NLGN1: variants seen among roughly 807,000 people sequenced by gnomAD.
The protein encoded by NLGN1 is neuroligin 1.
Under a neutral mutation model 65.5 loss-of-function variants are expected in NLGN1, and 12 were observed. That is an observed-to-expected ratio of 0.18 (90% CI 0.12 to 0.30). The LOEUF is 0.30. Ranked by LOEUF, NLGN1 falls within the 10% of genes least tolerant of loss-of-function variation. The pLI is 1.00. For missense variants in NLGN1, 750 were observed against 1,007.1 expected, an observed-to-expected ratio of 0.74 and a Z score of 3.46; for synonymous variants, 350 against 359.5, an observed-to-expected ratio of 0.97 and a Z score of 0.30.
chr3:174,053,820 G>C (rs1349747789), intron 4 of NLGN1, among the ~76,000 whole-genome samples: 1 of 151,696 alleles, frequency 6.6e-6, no homozygotes, highest in Non-Finnish European at 1.5e-5. Context: ...AACATTCACA[G>C]CATTACATTA....
intron 2 of NLGN1, among the ~76,000 whole-genome samples, chr3:173,515,068 G>A (rs550829496): frequency 6.6e-6 from 1 of 152,198 alleles, no homozygotes; most frequent in African/African-American, 2.4e-5. Context: ...TATTTTTTGA[G>A]GAACCTTCAA....
intron 4 of NLGN1, among the ~76,000 whole-genome samples, chr3:173,825,344 T>C (rs1450916510): frequency 6.7e-6 from 1 of 150,310 alleles, no homozygotes; most frequent in Admixed American, 6.7e-5. Flanking sequence ...TAATGACCAA[T>C]TGGAAATACC....
At chr3:173,719,293 G>A (rs1041353592) in intron 3 of NLGN1, among the ~76,000 whole-genome samples, 1 of 152,072 alleles carries the variant, frequency 6.6e-6, no homozygotes, top group African/African-American at 2.4e-5. Flanking sequence ...AGTTTCCTTA[G>A]TCAGTAAATG....
chr3:173,583,746 G>C (rs1746786951), intron 2 of NLGN1, among the ~76,000 whole-genome samples: 1 of 152,078 alleles, frequency 6.6e-6, no homozygotes, highest in South Asian at 2.1e-4. Context: ...AAAGCATTCA[G>C]GTAAGCAACA....
At chr3:174,227,708 G>A (rs867530873) in intron 4 of NLGN1, among the ~76,000 whole-genome samples, 3 of 151,950 alleles carry the variant, frequency 2.0e-5, no homozygotes, top group Non-Finnish European at 4.4e-5. Flanking sequence ...AATGTCTGGT[G>A]GCAAATGTGT....
intron 3 of NLGN1, among the ~76,000 whole-genome samples, chr3:173,645,169 A>G (rs1758050174): frequency 6.6e-6 from 1 of 152,242 alleles, no homozygotes; most frequent in African/African-American, 2.4e-5. Context: ...GCTTGCAACC[A>G]GTACCTTCAC....
rs368172329 is a variant in NLGN1, at chr3:173,399,278, C to A, written c.-390+791C>A. Among the ~76,000 whole-genome samples, 5 of 152,236 alleles carry A rather than the reference C, an allele frequency of 3.3e-5. No homozygotes were observed. The South Asian group carries it at 1.0e-3, about 32-fold the overall frequency. ...CTATTCTGCAGTTAGTCTTCCCAAT[C>A]CTCTTAACATAAGCAGAAATTGAGG... On this transcript the variant is annotated intron_variant, in intron 1 of 6. Transcript: ENST00000457714.
chr3:173,966,752 T>C (rs1714962450), intron 4 of NLGN1, among the ~76,000 whole-genome samples: 1 of 152,230 alleles, frequency 6.6e-6, no homozygotes. Context: ...ACAAAATTTT[T>C]TCTTAAAATA....
chr3:173,511,435 C>T (rs900113446), intron 2 of NLGN1, among the ~76,000 whole-genome samples: 1 of 152,070 alleles, frequency 6.6e-6, no homozygotes. Flanking sequence ...TAAGTGTTAA[C>T]ACGTTCTGTC....
rs34721217 is a variant in NLGN1 at position 173,944,124 on chromosome 3, G to GTTGTCTGT, written c.646+136292_646+136293insTTGTCTGT. ...TTTTAAATGTCCAGTTAATATTATG[G>GTTGTCTGT]GTGTGTGTGTGTGTGTGTGTGTGTG... On this transcript the variant is annotated intron_variant, in intron 4 of 6. Transcript: ENST00000457714. 5.7e-3 allele frequency among the ~76,000 whole-genome samples: 801 copies of GTTGTCTGT among 139,592 alleles called. 6 individuals carry two copies. The highest frequency in any genetic ancestry group is 0.021 in the African/African-American group (753 of 36,542). The allele number at this position is 139,592 out of a possible 152,430, so 91.6% of individuals were successfully genotyped here.
At chr3:173,886,882 C>T (rs910497252) in intron 4 of NLGN1, among the ~76,000 whole-genome samples, 2 of 151,886 alleles carry the variant, frequency 1.3e-5, no homozygotes, top group African/African-American at 2.4e-5. Context: ...TTCCCTTGCA[C>T]TATAAAATAG....
intron 4 of NLGN1, among the ~76,000 whole-genome samples, chr3:173,830,817 T>C (rs1722395068): frequency 6.6e-6 from 1 of 152,132 alleles, no homozygotes; most frequent in African/African-American, 2.4e-5. Context: ...AGTCAGAAAA[T>C]GTTCTGGAGG....
At chr3:173,524,374 T>C (rs961709115) in intron 2 of NLGN1, among the ~76,000 whole-genome samples, 2 of 152,170 alleles carry the variant, frequency 1.3e-5, no homozygotes, top group African/African-American at 4.8e-5. Context: ...CTGGACATTA[T>C]TGTTGTGTAG....
chr3:173,693,756 A>G (rs942990282), intron 3 of NLGN1, among the ~76,000 whole-genome samples: 3 of 152,098 alleles, frequency 2.0e-5, no homozygotes, highest in African/African-American at 4.8e-5. Context: ...AAAATAAAAA[A>G]GAAGGTTAAT....
At chr3:173,593,619 C>G (rs138651212) in intron 2 of NLGN1, among the ~76,000 whole-genome samples, 4,187 of 152,206 alleles carry the variant, frequency 0.028, 87 homozygotes, top group Middle Eastern at 0.041. Context: ...TGTGGTCCCT[C>G]CAGGAGAAAA....
chr3:173,679,406 G>A lies in NLGN1; in HGVS notation c.493+74315G>A, dbSNP rs1763623437. ...GGCAGCACTAATTCTGAGTCATGTG[G>A]TAGTCTACAGATTCGGGTTATATGA... is the stretch of plus-strand genomic sequence containing the variant. On this transcript the variant is annotated intron_variant, in intron 3 of 6. Transcript: ENST00000457714. 2.0e-5 allele frequency among the ~76,000 whole-genome samples: 3 copies of A among 152,130 alleles called. No homozygotes were observed. In the South Asian group the frequency reaches 6.2e-4, roughly 31 times the overall value.
At chr3:174,003,926 A>G (rs1393725752) in intron 4 of NLGN1, among the ~76,000 whole-genome samples, 1 of 152,218 alleles carries the variant, frequency 6.6e-6, no homozygotes, top group Non-Finnish European at 1.5e-5. Flanking sequence ...TTGTTTGATG[A>G]AAGCGTACTC....
At chr3:173,499,880 A>G (rs560586190) in intron 2 of NLGN1, among the ~76,000 whole-genome samples, 18 of 151,280 alleles carry the variant, frequency 1.2e-4, no homozygotes, top group African/African-American at 2.5e-4. Flanking sequence ...GTATAAGAAT[A>G]CTTGTGATTT....
chr3:173,528,280 G>C (rs1735992159), intron 2 of NLGN1, among the ~76,000 whole-genome samples: 1 of 152,124 alleles, frequency 6.6e-6, no homozygotes, highest in Admixed American at 6.5e-5. Context: ...GCTAAAAATA[G>C]GTCTCAATGT....
Sources: allele counts gnomAD v4.1 joint callset (sites outside exome capture counted in the v4.1 genomes callset), GRCh38; gene constraint gnomAD v4.1.1; transcripts MANE v1.5; gene names NCBI Gene and HGNC (gene_info 2026-07-23, HGNC 2026-07-21).